Variants in NAV2 observed in about 807,000 individuals in gnomAD.
The protein encoded by NAV2 is neuron navigator 2.
NAV2 carries 54 observed loss-of-function variants against 223.2 expected under a neutral mutation model. The ratio of observed to expected loss-of-function variants is 0.24; its 90% CI spans 0.19 to 0.30. NAV2 has a LOEUF of 0.30. NAV2 is among the 10% of genes least tolerant of loss of function. NAV2 has a pLI of 1.00. For synonymous variants in NAV2, 1,279 were observed against 1,239.3 expected (o/e 1.03, Z -0.67); for missense variants, 2,806 against 3,147.5 (o/e 0.89, Z 2.60).
intron 1 of NAV2, among the ~76,000 whole-genome samples, chr11:19,796,403 G>A (rs539482277): frequency 5.8e-4 from 88 of 152,262 alleles, no homozygotes; most frequent in African/African-American, 2.1e-3. Flanking sequence ...GCTGTCATGA[G>A]GGCTTGAAAA....
Position 20,092,351 on chromosome 11 carries a change from C to T in NAV2, c.5798C>T (p.Thr1933Ile). ...MGLSQHSLNL[T>I]ESTSLDMLLD... Reference sequence around the variant, plus strand: ...CTCTCCCAGCACAGCTTGAACCTCACTGAGTCAACCAGCCTGGGTGAGTGG... The same window carrying T: ...CTCTCCCAGCACAGCTTGAACCTCATTGAGTCAACCAGCCTGGGTGAGTGG... The change falls in exon 28 of 38, where the codon ACT becomes ATT. Residue 1933 changes from threonine to isoleucine, a missense_variant. Transcript: ENST00000349880. 1 of 1,612,926 alleles carries T rather than the reference C, an allele frequency of 6.2e-7. No individual in the cohort carries two copies. The highest frequency in any genetic ancestry group is 8.5e-7 in the Non-Finnish European group (1 of 1,178,996).
At chr11:19,561,450 C>T (rs2045094512) in intron 1 of NAV2, among the ~76,000 whole-genome samples, 1 of 152,142 alleles carries the variant, frequency 6.6e-6, no homozygotes, top group South Asian at 2.1e-4. Flanking sequence ...ATTCAGAAAT[C>T]CAAGGCTTAT....
intron 1 of NAV2, among the ~76,000 whole-genome samples, chr11:19,423,414 G>C (rs1656396015): frequency 6.6e-6 from 1 of 152,182 alleles, no homozygotes; most frequent in African/African-American, 2.4e-5. Flanking sequence ...AGAGAGATGG[G>C]TCAAAAAGCT....
chr11:19,839,645 C>T (rs922124508), intron 2 of NAV2, among the ~76,000 whole-genome samples: 4 of 152,168 alleles, frequency 2.6e-5, no homozygotes, highest in Non-Finnish European at 5.9e-5. Context: ...TTGTTAACTG[C>T]CAGGGATGAT....
chr11:19,888,019 T>C (rs1006381686), intron 5 of NAV2, among the ~76,000 whole-genome samples: 9 of 151,830 alleles, frequency 5.9e-5, no homozygotes, highest in African/African-American at 2.2e-4. Context: ...GTAGGTTATG[T>C]GCTGGGAATG....
intron 3 of NAV2, among the ~76,000 whole-genome samples, chr11:19,850,374 G>A (rs535036832): frequency 6.6e-6 from 1 of 152,272 alleles, no homozygotes; most frequent in South Asian, 2.1e-4. Context: ...AGTATCCTAA[G>A]CGTCTGTCAT....
rs2050014746 is a variant in NAV2 at position 19,713,526 on chromosome 11, C to T, written c.-170C>T. 1 of 1,398,224 alleles carries T rather than the reference C, an allele frequency of 7.2e-7. No individual in the cohort carries two copies. The highest frequency in any genetic ancestry group is 9.3e-7 in the Non-Finnish European group (1 of 1,080,836). The allele number at this position is 1,398,224 out of a possible 1,614,324, so 86.6% of individuals were successfully genotyped here. ...CATCCCGGCACCCCAAAGGCGCGCT[C>T]GCCCGATTGCTTCGAGTTCCCCGAC... On this transcript the variant is annotated 5_prime_UTR_variant, in exon 1 of 38. Coordinates refer to ENST00000349880, the MANE Select transcript of NAV2 (RefSeq NM_145117.5). This position sits in a 1 kb window ranked among gnomAD's most constrained non-coding sequence, Gnocchi z 7.2.
chr11:19,812,584 G>A (rs1025111235), intron 1 of NAV2, among the ~76,000 whole-genome samples: 4 of 152,028 alleles, frequency 2.6e-5, no homozygotes, highest in Admixed American at 6.6e-5. Flanking sequence ...AATTACAAGA[G>A]TAATGAGTCA....
At chr11:19,841,633 C>T (rs2060516861) in intron 2 of NAV2, among the ~76,000 whole-genome samples, 1 of 152,046 alleles carries the variant, frequency 6.6e-6, no homozygotes, top group African/African-American at 2.4e-5. Flanking sequence ...GAGGCAGGTA[C>T]AGGGTGCTGT....
chr11:19,723,401 A>G (rs1290794289), intron 1 of NAV2, among the ~76,000 whole-genome samples: 1 of 152,034 alleles, frequency 6.6e-6, no homozygotes, highest in Admixed American at 6.5e-5. Flanking sequence ...GTGTGGCAGG[A>G]TTTGAACTGA....
intron 1 of NAV2, among the ~76,000 whole-genome samples, chr11:19,823,633 G>T (rs2059499539): frequency 6.6e-6 from 1 of 152,166 alleles, no homozygotes; most frequent in African/African-American, 2.4e-5. Context: ...GAGCCACTGT[G>T]CCCAGCTTAT....
At chr11:20,071,830 A>T (rs2059425686) in intron 22 of NAV2, among the ~76,000 whole-genome samples, 1 of 151,880 alleles carries the variant, frequency 6.6e-6, no homozygotes, top group African/African-American at 2.4e-5. Flanking sequence ...AATTTGTTTA[A>T]GTTCTGGATA....
At chr11:20,108,033 G>A (rs1031772556) in intron 36 of NAV2, among the ~76,000 whole-genome samples, 3 of 152,176 alleles carry the variant, frequency 2.0e-5, no homozygotes, top group Non-Finnish European at 2.9e-5. Context: ...TTGATATTCT[G>A]CCACAAAGAG....
rs76832604 is a variant in NAV2, at chr11:19,431,634, G to A, written c.75+80607G>A. On this transcript the variant is annotated intron_variant, in intron 1 of 37. Coordinates refer to the NAV2 transcript ENST00000360655. Reference sequence around the variant, plus strand: ...CTTGTGGTTCTGATAGGGCTGTAAGGAACCTTTGGAATTTACAGAGCAGAG... The same window carrying A: ...CTTGTGGTTCTGATAGGGCTGTAAGAAACCTTTGGAATTTACAGAGCAGAG... Among the ~76,000 whole-genome samples the A allele has an allele frequency of 4.6e-3, 708 of 152,270 alleles. 4 individuals carry two copies. Among genetic ancestry groups the A allele is most frequent in the African/African-American group, 0.016 (661 of 41,556 alleles).
Position 20,101,175 on chromosome 11 carries a change from G to A in NAV2, c.6417+3G>A, listed in dbSNP as rs768616442. The A allele has an allele frequency of 3.7e-6, 6 of 1,607,102 alleles. No homozygotes were observed. Among genetic ancestry groups the A allele is most frequent in the Non-Finnish European group, 5.1e-6 (6 of 1,174,144 alleles). Reference sequence around the variant, plus strand: ...ACGTGGACCATAAGTCCAGCAAGGTGAGGAGGTCATTCTGAGTCTGCTGTA... The same window carrying A: ...ACGTGGACCATAAGTCCAGCAAGGTAAGGAGGTCATTCTGAGTCTGCTGTA... On this transcript the variant is annotated splice_donor_region_variant and intron_variant, in intron 32 of 37. Coordinates refer to ENST00000349880, the MANE Select transcript of NAV2 (RefSeq NM_145117.5).
chr11:19,889,739 C>A (rs1025554807), intron 5 of NAV2, among the ~76,000 whole-genome samples: 1 of 152,204 alleles, frequency 6.6e-6, no homozygotes. Flanking sequence ...TCCCAAACCA[C>A]GGATGTTTCA....
chr11:20,069,985 T>C (rs1229122159), intron 22 of NAV2, among the ~76,000 whole-genome samples: 1 of 152,180 alleles, frequency 6.6e-6, no homozygotes, highest in Non-Finnish European at 1.5e-5. Flanking sequence ...TAAGTTCTCT[T>C]TCTTTTCTGG....
At chr11:19,787,259 T>C in intron 1 of NAV2, among the ~76,000 whole-genome samples, 1 of 144,728 alleles carries the variant, frequency 6.9e-6, no homozygotes, top group Admixed American at 7.2e-5. Context: ...CCTGGCTAAT[T>C]TTTATTGGAT....
chr11:19,523,709 T>C (rs926230211), intron 1 of NAV2, among the ~76,000 whole-genome samples: 5 of 152,192 alleles, frequency 3.3e-5, no homozygotes, highest in East Asian at 3.9e-4. Context: ...TGCAAGAGCT[T>C]GATCAAGGTT....
Sources: gnomAD v4.1 joint callset for allele counts (sites outside exome capture counted in the v4.1 genomes callset) on GRCh38, gnomAD v4.1.1 for gene constraint, Gnocchi (gnomAD v3.1) non-coding constraint, MANE v1.5 for transcripts, NCBI Gene and HGNC (gene_info 2026-07-23, HGNC 2026-07-21) for gene names.